The following KCNN3 variants were observed in gnomAD, a reference collection of about 807,000 sequenced individuals.
KCNN3 encodes the protein small conductance calcium-activated potassium channel protein 3.
Under a neutral mutation model 62.9 loss-of-function variants are expected in KCNN3, and 16 were observed. The ratio of observed to expected loss-of-function variants is 0.25; its 90% CI spans 0.17 to 0.39. The LOEUF is 0.39. Among genes scored for constraint, KCNN3 ranks in the 10% least tolerant of loss-of-function variants. The probability of loss-of-function intolerance (pLI) is 1.00; values close to 1 mark genes in which losing one functional copy is unlikely to be tolerated. For synonymous variants in KCNN3, 370 were observed against 389.2 expected (o/e 0.95, Z 0.58); for missense variants, 599 against 949.4 (o/e 0.63, Z 4.85).
chr1:154,824,787 T>C (rs1651038303), intron 1 of KCNN3, among the ~76,000 whole-genome samples: 1 of 152,156 alleles, frequency 6.6e-6, no homozygotes, highest in African/African-American at 2.4e-5. Flanking sequence ...AGATGCTCTC[T>C]CCTTTGGGCC....
At chr1:154,766,903 G>A (rs1282807723) in intron 3 of KCNN3, among the ~76,000 whole-genome samples, 3 of 151,974 alleles carry the variant, frequency 2.0e-5, no homozygotes, top group African/African-American at 7.3e-5. Context: ...GGATGGTCTC[G>A]ATCTCCTGAC....
chr1:154,797,506 C>A (rs1649781502), intron 2 of KCNN3, among the ~76,000 whole-genome samples: 1 of 152,210 alleles, frequency 6.6e-6, no homozygotes, highest in Non-Finnish European at 1.5e-5. Flanking sequence ...TTCATTTCTT[C>A]CTCCATGACC....
At chr1:154,835,080 T>C (rs995446565) in intron 1 of KCNN3, among the ~76,000 whole-genome samples, 2 of 152,180 alleles carry the variant, frequency 1.3e-5, no homozygotes, top group Admixed American at 6.5e-5. Context: ...ACCATCACCA[T>C]CTTTAACATC....
chr1:154,823,714 C>G (rs1415620834), intron 1 of KCNN3, among the ~76,000 whole-genome samples: 1 of 152,172 alleles, frequency 6.6e-6, no homozygotes, highest in South Asian at 2.1e-4. Context: ...AGAGTGAAAC[C>G]TACAGTAGAG....
At chr1:154,791,649 A>G (rs1305718676) in intron 2 of KCNN3, among the ~76,000 whole-genome samples, 2 of 152,210 alleles carry the variant, frequency 1.3e-5, no homozygotes, top group Non-Finnish European at 2.9e-5. Context: ...AAAGGGAACG[A>G]AAGGCCCCGA....
Position 154,701,423 on chromosome 1 carries a change from A to G in KCNN3, c.*6553T>C, listed in dbSNP as rs1244988515. The G allele has an allele frequency of 6.6e-6, 1 of 152,196 alleles. No homozygotes were observed. The highest frequency in any genetic ancestry group is 1.5e-5 in the Non-Finnish European group (1 of 68,032). The allele number at this position is 152,196 out of a possible 1,614,324, so 9.4% of individuals were successfully genotyped here. A position where few individuals can be genotyped will look rare whatever the true frequency, so the allele number is the denominator to read the frequency against. On this transcript the variant is annotated 3_prime_UTR_variant, in exon 8 of 8. Transcript: ENST00000271915. ...GATTCTAGAAAATCTTTATTCTGTA[A>G]CCGAACACATCCTGTTTTCATCTAG...
chr1:154,708,298 A>C, intron 7 of KCNN3, 26 bp from the exon 8 acceptor site: 1 of 1,610,798 alleles, frequency 6.2e-7, no homozygotes, highest in African/African-American at 1.3e-5. Flanking sequence ...GAGGCGAGAG[A>C]CAGGGAGATG....
At chr1:154,794,473 T>G (rs1396832399) in intron 2 of KCNN3, among the ~76,000 whole-genome samples, 1 of 152,260 alleles carries the variant, frequency 6.6e-6, no homozygotes, top group Non-Finnish European at 1.5e-5. Context: ...AGATCAGTCT[T>G]GCTTGTGAAG....
chr1:154,784,504 G>A (rs1009225071), intron 2 of KCNN3, among the ~76,000 whole-genome samples: 2 of 152,096 alleles, frequency 1.3e-5, no homozygotes, highest in Admixed American at 6.5e-5. Context: ...CAGATCCAGC[G>A]TCCCACCCTT....
At chr1:154,814,616 A>C (rs1650581580) in intron 2 of KCNN3, among the ~76,000 whole-genome samples, 1 of 152,256 alleles carries the variant, frequency 6.6e-6, no homozygotes, top group Admixed American at 6.5e-5. Flanking sequence ...CCAAGGCCTC[A>C]TAGATGTGAA....
chr1:154,764,737 C>T (rs1648179737), intron 3 of KCNN3, among the ~76,000 whole-genome samples: 1 of 152,208 alleles, frequency 6.6e-6, no homozygotes, highest in Non-Finnish European at 1.5e-5. Context: ...CATACATCCA[C>T]TCTTTCCAGA....
At chr1:154,806,605 G>A (rs971336117) in intron 2 of KCNN3, among the ~76,000 whole-genome samples, 1 of 152,070 alleles carries the variant, frequency 6.6e-6, no homozygotes, top group East Asian at 1.9e-4. Flanking sequence ...TTTCATAAAG[G>A]CCTAATTAAT....
At chr1:154,755,504 G>GAAGAAAGA (rs142240424) in intron 3 of KCNN3, among the ~76,000 whole-genome samples, 13 of 109,896 alleles carry the variant, frequency 1.2e-4, no homozygotes, top group African/African-American at 3.9e-4. Context: ...AGAAAGAAAG[G>GAAGAAAGA]AAGAAAGAAA....
chr1:154,765,628 C>CTTTT (rs55633526), intron 3 of KCNN3, among the ~76,000 whole-genome samples: 1 of 129,728 alleles, frequency 7.7e-6, no homozygotes, highest in Non-Finnish European at 1.6e-5. Context: ...TTTCTTTTTC[C>CTTTT]TTTTTTTTTT....
chr1:154,777,371 G>A (rs1209103744), intron 2 of KCNN3, among the ~76,000 whole-genome samples: 1 of 152,126 alleles, frequency 6.6e-6, no homozygotes, highest in East Asian at 1.9e-4. Flanking sequence ...GAATAAAGGG[G>A]TGTGTAGGCG....
intron 3 of KCNN3, among the ~76,000 whole-genome samples, chr1:154,755,496 AAAGAAAGG>A (rs1310987967): frequency 5.6e-5 from 4 of 71,678 alleles, no homozygotes; most frequent in African/African-American, 1.8e-4. Context: ...AGAAAGGGAG[AAAGAAAGG>A]AAGAAAGAAA....
intron 1 of KCNN3, among the ~76,000 whole-genome samples, chr1:154,832,736 C>A (rs1459738016): frequency 6.6e-6 from 1 of 152,216 alleles, no homozygotes; most frequent in Non-Finnish European, 1.5e-5. Context: ...AATCACTTTG[C>A]TCTACAGAAA....
chr1:154,794,071 G>A (rs897871500), intron 2 of KCNN3, among the ~76,000 whole-genome samples: 2 of 152,200 alleles, frequency 1.3e-5, no homozygotes, highest in African/African-American at 2.4e-5. Context: ...AGGCTGTTGT[G>A]CTCATCTCCT....
chr1:154,832,590 G>A (rs1651418552), intron 1 of KCNN3, among the ~76,000 whole-genome samples: 1 of 152,144 alleles, frequency 6.6e-6, no homozygotes, highest in South Asian at 2.1e-4. Context: ...CATCCAGATT[G>A]CAGGAACCCC....
Sources: allele counts gnomAD v4.1 joint callset (sites outside exome capture counted in the v4.1 genomes callset), GRCh38; gene constraint gnomAD v4.1.1; transcripts MANE v1.5; gene names NCBI Gene and HGNC (gene_info 2026-07-23, HGNC 2026-07-21).